Variants in ERBB4 observed in about 807,000 individuals in gnomAD.
The protein encoded by ERBB4 is receptor tyrosine-protein kinase erbB-4.
A neutral mutation model predicts 158.0 loss-of-function variants in ERBB4; 42 were observed. The ratio of observed to expected loss-of-function variants is 0.27; its 90% CI spans 0.21 to 0.34. ERBB4 has a LOEUF of 0.34. Among genes scored for constraint, ERBB4 ranks in the 10% least tolerant of loss-of-function variants. The pLI is 1.00. For missense variants in ERBB4, 1,333 were observed against 1,624.1 expected (o/e 0.82, Z 3.08); for synonymous variants, 583 against 558.7 (o/e 1.04, Z -0.61).
chr2:211,718,351 G>A (rs756627746), intron 7 of ERBB4, among the ~76,000 whole-genome samples: 3 of 152,184 alleles, frequency 2.0e-5, no homozygotes, highest in Non-Finnish European at 4.4e-5. Context: ...TACACACATT[G>A]AGTATCCCTT....
chr2:212,328,481 G>C (rs1303528680), intron 1 of ERBB4, among the ~76,000 whole-genome samples: 2 of 151,982 alleles, frequency 1.3e-5, no homozygotes, highest in African/African-American at 4.8e-5. Flanking sequence ...GGAATAACAA[G>C]GTCACACTAC....
At chr2:212,185,742 A>T (rs2081998591) in intron 1 of ERBB4, among the ~76,000 whole-genome samples, 1 of 152,090 alleles carries the variant, frequency 6.6e-6, no homozygotes, top group Non-Finnish European at 1.5e-5. Flanking sequence ...ACATAATAGA[A>T]TCTAAAAGTA....
chr2:211,844,540 T>A (rs939570016), intron 3 of ERBB4, among the ~76,000 whole-genome samples: 4 of 152,310 alleles, frequency 2.6e-5, no homozygotes, highest in African/African-American at 9.6e-5. Context: ...TCTGAGAACC[T>A]CTGAAATTGT....
chr2:212,096,361 A>C (rs1235832244), intron 2 of ERBB4, among the ~76,000 whole-genome samples: 1 of 152,164 alleles, frequency 6.6e-6, no homozygotes, highest in Non-Finnish European at 1.5e-5. Flanking sequence ...AAAATAAAGG[A>C]GTATGCCATC....
At chr2:211,633,300 A>T (rs998021153) in intron 16 of ERBB4, among the ~76,000 whole-genome samples, 8 of 152,076 alleles carry the variant, frequency 5.3e-5, no homozygotes, top group Non-Finnish European at 1.0e-4. Flanking sequence ...TGCACCACAA[A>T]CTGAAAAGAT....
chr2:211,439,411 C>T (rs752002684), intron 20 of ERBB4, among the ~76,000 whole-genome samples: 3 of 152,150 alleles, frequency 2.0e-5, no homozygotes, highest in Non-Finnish European at 4.4e-5. Context: ...AAGCCTTCAA[C>T]GTTTATTATG....
rs895851213 is a variant in ERBB4, at chr2:212,223,109, T to C, written c.83-98206A>G. On this transcript the variant is annotated intron_variant, in intron 1 of 27. Transcript: ENST00000342788. ...GCATGCATATAAAAACACACACTTA[T>C]ACACATATATACATATATCCATTAT... Among the ~76,000 whole-genome samples the C allele has an allele frequency of 7.3e-5, 11 of 151,506 alleles. 1 individual carries two copies. Among genetic ancestry groups the C allele is most frequent in the African/African-American group, 2.4e-4 (10 of 41,384 alleles).
In ERBB4 at chr2:212,015,217, G is replaced by T. The variant is rs1477780161; in HGVS notation, c.235-67601C>A. Among the ~76,000 whole-genome samples, 22 of 148,220 alleles carry T rather than the reference G, an allele frequency of 1.5e-4. 1 individual carries two copies. The South Asian group carries it at 4.2e-3, about 29-fold the overall frequency. On this transcript the variant is annotated intron_variant, in intron 2 of 27. Coordinates refer to ENST00000342788, the MANE Select transcript of ERBB4 (RefSeq NM_005235.3). ...GCAGACAGAGCTTGCAGTGAGCCAA[G>T]ATCGCGCCACTGCACTCCAGCCTGG...
chr2:212,145,296 G>A (rs2080626965), intron 1 of ERBB4, among the ~76,000 whole-genome samples: 1 of 152,084 alleles, frequency 6.6e-6, no homozygotes, highest in Non-Finnish European at 1.5e-5. Context: ...CTAGACTAGT[G>A]GTTGCATAAA....
At chr2:212,170,621 T>G (rs1575741590) in intron 1 of ERBB4, among the ~76,000 whole-genome samples, 1 of 152,278 alleles carries the variant, frequency 6.6e-6, no homozygotes, top group East Asian at 1.9e-4. Flanking sequence ...CTTGCAGTTT[T>G]GGGACTTGGG....
chr2:212,180,291 G>A (rs911108498), intron 1 of ERBB4, among the ~76,000 whole-genome samples: 7 of 151,682 alleles, frequency 4.6e-5, no homozygotes, highest in African/African-American at 1.7e-4. Flanking sequence ...CTGTCAATTC[G>A]GGATAAGCAT....
chr2:211,717,238 A>G (rs1575041362), intron 7 of ERBB4, among the ~76,000 whole-genome samples: 2 of 152,348 alleles, frequency 1.3e-5, no homozygotes, highest in South Asian at 2.1e-4. Context: ...ATTTAGCCCC[A>G]TCCTGCAATA....
intron 2 of ERBB4, among the ~76,000 whole-genome samples, chr2:212,016,859 C>T (rs2125319807): frequency 6.6e-6 from 1 of 152,110 alleles, no homozygotes; most frequent in Non-Finnish European, 1.5e-5. Flanking sequence ...TACATTTGAG[C>T]ATTATTTGGG....
intron 1 of ERBB4, among the ~76,000 whole-genome samples, chr2:212,468,468 CT>C (rs1452196012): frequency 1.3e-5 from 2 of 152,150 alleles, no homozygotes; most frequent in Non-Finnish European, 2.9e-5. Context: ...GGGAGTTTCT[CT>C]GCACAAGCTC....
At chr2:212,530,148 G>A (rs1223543285) in intron 1 of ERBB4, among the ~76,000 whole-genome samples, 1 of 151,084 alleles carries the variant, frequency 6.6e-6, no homozygotes, top group Non-Finnish European at 1.5e-5. Context: ...GGACGTGGAA[G>A]AAGAAGAATA....
chr2:212,287,479 G>C (rs1348906271), intron 1 of ERBB4, among the ~76,000 whole-genome samples: 1 of 152,048 alleles, frequency 6.6e-6, no homozygotes, highest in Non-Finnish European at 1.5e-5. Context: ...AATTTTTTAT[G>C]TTTTAAAATG....
rs1195685379 is a variant in ERBB4, at chr2:212,188,155, C to T, written c.83-63252G>A. 2.8e-5 allele frequency among the ~76,000 whole-genome samples: 4 copies of T among 143,932 alleles called. No individual in the cohort carries two copies. The East Asian group carries it at 8.5e-4, about 31-fold the overall frequency. 94.4% of individuals were successfully genotyped at this position (143,932 alleles called of 152,430 possible). A position where few individuals can be genotyped will look rare whatever the true frequency, so the allele number is the denominator to read the frequency against. ...AGCCATCCATGTCAAATCCCAAATC[C>T]TGTCAGATCTCCCTTATAATACCTT... On this transcript the variant is annotated intron_variant, in intron 1 of 27. Coordinates refer to ENST00000342788, the MANE Select transcript of ERBB4 (RefSeq NM_005235.3).
chr2:212,230,641 G>T (rs376640635), intron 1 of ERBB4, among the ~76,000 whole-genome samples: 1 of 152,120 alleles, frequency 6.6e-6, no homozygotes, highest in South Asian at 2.1e-4. Flanking sequence ...ATGACAGTGC[G>T]TATGGTTTTC....
chr2:212,195,528 TTATAA>T (rs1461128246), intron 1 of ERBB4, among the ~76,000 whole-genome samples: 11 of 152,050 alleles, frequency 7.2e-5, no homozygotes, highest in Admixed American at 6.6e-5. Context: ...ATTGTTGTTC[TTATAA>T]TATATGTAAA....
Sources: gnomAD v4.1 joint callset for allele counts (sites outside exome capture counted in the v4.1 genomes callset) on GRCh38, gnomAD v4.1.1 for gene constraint, MANE v1.5 for transcripts, NCBI Gene and HGNC (gene_info 2026-07-23, HGNC 2026-07-21) for gene names.